PCDHGB6: variants seen among roughly 807,000 people sequenced by gnomAD.
The protein encoded by PCDHGB6 is protocadherin gamma subfamily B, 6, also known as protocadherin gamma-B6.
In PCDHGB6, 51 loss-of-function variants were observed where a neutral mutation model predicts 59.1. That is an observed-to-expected ratio of 0.86 (90% CI 0.69 to 1.09). The LOEUF (loss-of-function observed/expected upper bound fraction) is 1.09, where lower values mean the gene tolerates loss of function less well. PCDHGB6 is among the 50% of genes least tolerant of loss of function. The pLI, the probability that PCDHGB6 is intolerant of heterozygous loss-of-function variation, is 0.00. For synonymous variants in PCDHGB6, 466 were observed against 495.1 expected, an observed-to-expected ratio of 0.94 and a Z score of 0.78; for missense variants, 1,148 against 1,205.1, an observed-to-expected ratio of 0.95 and a Z score of 0.70.
chr5:141,415,863 G>A, intron 1 of PCDHGB6: 4 of 1,107,154 alleles, frequency 3.6e-6, no homozygotes, highest in Non-Finnish European at 4.7e-6. Flanking sequence ...GTAGTTTATA[G>A]TGTTGTTGAG....
chr5:141,508,269 C>G (rs1459186158), intron 3 of PCDHGB6: 1 of 152,186 alleles, frequency 6.6e-6, no homozygotes, highest in Non-Finnish European at 1.5e-5. Flanking sequence ...GAGAAAATCC[C>G]GGTCCTTGAC....
Position 141,432,028 on chromosome 5 carries a change from C to T in PCDHGB6, c.2418+21408C>T, listed in dbSNP as rs776543767. ...TTCCTAGCTACAACATCACAGTGAC[C>T]GCCACTGACCGGGGAACCCCGCCCC... On this transcript the variant is annotated intron_variant, in intron 1 of 3. Coordinates refer to ENST00000520790, the MANE Select transcript of PCDHGB6 (RefSeq NM_018926.3). The surrounding 1 kb of genome is among the most constrained non-coding windows in gnomAD (Gnocchi z 6.0). The T allele has an allele frequency of 1.1e-5, 18 of 1,614,050 alleles. No individual in the cohort carries two copies. The highest frequency in any genetic ancestry group is 9.9e-5 in the South Asian group (9 of 91,090).
At chr5:141,497,500 T>G (rs1468175808) in intron 2 of PCDHGB6, among the ~76,000 whole-genome samples, 2 of 151,562 alleles carry the variant, frequency 1.3e-5, no homozygotes, top group Non-Finnish European at 2.9e-5. Context: ...CTCTCTCCTC[T>G]CTCTGCTTCC....
chr5:141,475,862 T>G, intron 1 of PCDHGB6: 1 of 492,756 alleles, frequency 2.0e-6, no homozygotes, highest in Non-Finnish European at 3.6e-6. Context: ...GCTAGCTCAT[T>G]CTTCGTGCAG....
At position 141,431,007 on chromosome 5, in the gene PCDHGB6, G is replaced by C. The variant is rs149559471; in HGVS notation, c.2418+20387G>C. On this transcript the variant is annotated intron_variant, in intron 1 of 3. Transcript: ENST00000520790. This position sits in a 1 kb window ranked among gnomAD's most constrained non-coding sequence, Gnocchi z 4.8. Reference sequence around the variant, plus strand: ...TTCGCCCTGAATCCGCGCAGCGGCAGCTTGGTCACGGCGGGCAGGATAGAC... The same window carrying C: ...TTCGCCCTGAATCCGCGCAGCGGCACCTTGGTCACGGCGGGCAGGATAGAC... 10 of 1,614,050 alleles carry C rather than the reference G, an allele frequency of 6.2e-6. No homozygotes were observed. The highest frequency in any genetic ancestry group is 8.5e-6 in the Non-Finnish European group (10 of 1,180,018).
At position 141,468,868 on chromosome 5, in the gene PCDHGB6, A is replaced by AAAT. The variant is rs993655754; in HGVS notation, c.2419-25921_2419-25919dup. Among the ~76,000 whole-genome samples, 30 of 151,912 alleles carry AAAT rather than the reference A, an allele frequency of 2.0e-4. No homozygotes were observed. The East Asian group carries it at 4.3e-3, about 22-fold the overall frequency. On this transcript the variant is annotated intron_variant, in intron 1 of 3. Coordinates refer to ENST00000520790, the MANE Select transcript of PCDHGB6 (RefSeq NM_018926.3). ...GCAACAGAGCGAGACTCCATCTCAAAAATAATAATAATAATAATAAGGTAC... is the reference window on the plus strand; with the variant it reads ...GCAACAGAGCGAGACTCCATCTCAAAAATAATAATAATAATAATAATAAGGTAC...
At chr5:141,475,543 G>A (rs1161883598) in intron 1 of PCDHGB6, among the ~76,000 whole-genome samples, 1 of 152,196 alleles carries the variant, frequency 6.6e-6, no homozygotes, top group African/African-American at 2.4e-5. Flanking sequence ...TACAAGTAGG[G>A]TCCGGCTAAT....
rs180741728 is a variant in PCDHGB6 at position 141,505,088 on chromosome 5, G to A, written c.2478-305G>A. Among the ~76,000 whole-genome samples the A allele has an allele frequency of 3.7e-3, 563 of 152,300 alleles. 5 individuals carry two copies. Among genetic ancestry groups the A allele is most frequent in the Admixed American group, 0.011 (163 of 15,294 alleles). On this transcript the variant is annotated intron_variant, in intron 2 of 3. Coordinates refer to ENST00000520790, the MANE Select transcript of PCDHGB6 (RefSeq NM_018926.3). ...GAGGCAGGAGAATCGCTTGAACCCA[G>A]GAGGTGGATGTTGCAATGAGCCAAG...
chr5:141,413,962 AC>A, intron 1 of PCDHGB6: 1 of 1,613,404 alleles, frequency 6.2e-7, no homozygotes, highest in Non-Finnish European at 8.5e-7. Context: ...GCCTGTGGGC[AC>A]TCAGCTGCTG....
In PCDHGB6 at chr5:141,489,514, C is replaced by T. The variant is rs141377711; in HGVS notation, c.2419-5293C>T. 63 of 1,613,926 alleles carry T rather than the reference C, an allele frequency of 3.9e-5. No homozygotes were observed. The highest frequency in any genetic ancestry group is 6.7e-5 in the Admixed American group (4 of 60,004). ...CCTGGCAGTGAATCAAAAGATTGAC[C>T]GAGAAAGCCTATGTGGAGCCAGCAC... On this transcript the variant is annotated intron_variant, in intron 1 of 3. Coordinates refer to ENST00000520790, the MANE Select transcript of PCDHGB6 (RefSeq NM_018926.3). This position sits in a 1 kb window ranked among gnomAD's most constrained non-coding sequence, Gnocchi z 4.5.
intron 1 of PCDHGB6, among the ~76,000 whole-genome samples, chr5:141,459,544 T>G (rs772982634): frequency 6.6e-6 from 1 of 152,246 alleles, no homozygotes; most frequent in Non-Finnish European, 1.5e-5. Flanking sequence ...TTTTTTTTAT[T>G]TCTCTTGGAT....
intron 1 of PCDHGB6, chr5:141,421,662 G>C: frequency 5.6e-6 from 9 of 1,613,844 alleles, no homozygotes; most frequent in Non-Finnish European, 7.6e-6. Context: ...AAGTCAGTGA[G>C]CACGCAATTC....
chr5:141,432,073 C>T lies in PCDHGB6; in HGVS notation c.2418+21453C>T, dbSNP rs1276949951. On this transcript the variant is annotated intron_variant, in intron 1 of 3. Transcript: ENST00000520790. This position sits in a 1 kb window ranked among gnomAD's most constrained non-coding sequence, Gnocchi z 6.0. ...CGCCCCTATCCACGGAAACTCATAT[C>T]TCGCTGAACGTGGCAGACACCAACG... is the stretch of plus-strand genomic sequence containing the variant. 3.1e-6 allele frequency: 5 copies of T among 1,614,208 alleles called. No homozygotes were observed. Among genetic ancestry groups the T allele is most frequent in the Non-Finnish European group, 4.2e-6 (5 of 1,180,040 alleles).
In PCDHGB6 at chr5:141,478,182, A is replaced by T. The variant is rs777228133; in HGVS notation, c.2419-16625A>T. The T allele has an allele frequency of 5.0e-6, 8 of 1,613,866 alleles. No individual in the cohort carries two copies. In the South Asian group the frequency reaches 8.8e-5, roughly 18 times the overall value. ...TCTGCCCCCCGGGAGCAGAAAAAAA[A>T]TCTCACCTTTTATCTACTTCTTTCT... is the stretch of plus-strand genomic sequence containing the variant. On this transcript the variant is annotated intron_variant, in intron 1 of 3. Transcript: ENST00000520790.
intron 2 of PCDHGB6, among the ~76,000 whole-genome samples, chr5:141,500,046 T>C (rs959260262): frequency 1.3e-5 from 2 of 152,098 alleles, no homozygotes; most frequent in African/African-American, 4.8e-5. Context: ...TTAAGTATCT[T>C]AATGCTCTTT....
Position 141,489,092 on chromosome 5 carries a change from A to AATT in PCDHGB6, c.2419-5714_2419-5713insTTA. 2.9e-6 allele frequency: 1 copy of AATT among 348,332 alleles called. No individual in the cohort carries two copies. Among genetic ancestry groups the AATT allele is most frequent in the Non-Finnish European group, 4.7e-6 (1 of 214,538 alleles). 21.6% of individuals were successfully genotyped at this position (348,332 alleles called of 1,614,324 possible). A position where few individuals can be genotyped will look rare whatever the true frequency, so the allele number is the denominator to read the frequency against. On this transcript the variant is annotated intron_variant, in intron 1 of 3. Transcript: ENST00000520790. This position sits in a 1 kb window ranked among gnomAD's most constrained non-coding sequence, Gnocchi z 4.5. Reference sequence around the variant, plus strand: ...TGCCCACCCCCGCCACTCGGTGACTAAGAACTGCTGCAAGCAGGCAAACCT... The same window carrying AATT: ...TGCCCACCCCCGCCACTCGGTGACTAATTAGAACTGCTGCAAGCAGGCAAACCT...
intron 1 of PCDHGB6, chr5:141,478,018 C>G: frequency 6.2e-7 from 1 of 1,614,124 alleles, no homozygotes; most frequent in Non-Finnish European, 8.5e-7. Flanking sequence ...CCCGTCCAGT[C>G]CAAGACACAG....
At chr5:141,451,776 G>C (rs1279891846) in intron 1 of PCDHGB6, among the ~76,000 whole-genome samples, 1 of 152,078 alleles carries the variant, frequency 6.6e-6, no homozygotes, top group Non-Finnish European at 1.5e-5. Flanking sequence ...AGCTACTCAG[G>C]AGGCTGAGGC....
intron 1 of PCDHGB6, chr5:141,484,980 A>C (rs1387732109): frequency 1.7e-6 from 1 of 593,836 alleles, no homozygotes; most frequent in Admixed American, 3.1e-5. Flanking sequence ...CTGTCTGCCA[A>C]TCGGGTGGTG....
Sources: gnomAD v4.1 joint callset for allele counts (sites outside exome capture counted in the v4.1 genomes callset) on GRCh38, gnomAD v4.1.1 for gene constraint, Gnocchi (gnomAD v3.1) non-coding constraint, MANE v1.5 for transcripts, NCBI Gene and HGNC (gene_info 2026-07-23, HGNC 2026-07-21) for gene names.